ARL6: variants seen among roughly 807,000 people sequenced by gnomAD.
The protein encoded by ARL6 is ADP-ribosylation factor-like protein 6.
A neutral mutation model predicts 27.1 loss-of-function variants in ARL6; 18 were observed. That is an observed-to-expected ratio of 0.66 (90% CI 0.46 to 0.98). The LOEUF is 0.98. ARL6 is among the 50% of genes least tolerant of loss of function. The pLI is 0.00. For missense variants in ARL6, 187 were observed against 214.9 expected, an observed-to-expected ratio of 0.87 and a Z score of 0.81; for synonymous variants, 65 against 72.3, an observed-to-expected ratio of 0.90 and a Z score of 0.51.
At chr3:97,797,241 T>C (rs1164256586) in intron 7 of ARL6, among the ~76,000 whole-genome samples, 1 of 152,200 alleles carries the variant, frequency 6.6e-6, no homozygotes, top group Non-Finnish European at 1.5e-5. Flanking sequence ...CTGTGTAATG[T>C]ACTTCATAGT....
chr3:97,800,244 T>C lies in ARL6; in HGVS notation c.*2195T>C, dbSNP rs998848207. On this transcript the variant is annotated 3_prime_UTR_variant, in exon 8 of 8. Transcript: ENST00000463745. ...CATCCATCCCTACTCCACATTTTCA[T>C]GTAAAGATTATGTAGAAGTTGGGCA... The C allele has an allele frequency of 1.6e-4, 25 of 152,128 alleles. No individual in the cohort carries two copies. Among genetic ancestry groups the C allele is most frequent in the African/African-American group, 6.0e-4 (25 of 41,450 alleles). The allele number at this position is 152,128 out of a possible 1,614,324, so 9.4% of individuals were successfully genotyped here.
At chr3:97,766,951 A>T (rs1049692989) in intron 1 of ARL6, among the ~76,000 whole-genome samples, 5 of 151,140 alleles carry the variant, frequency 3.3e-5, no homozygotes, top group African/African-American at 1.2e-4. Flanking sequence ...GGAGCAATGG[A>T]CCCAAAGTGA....
At chr3:97,770,340 A>C (rs2036580938) in intron 2 of ARL6, among the ~76,000 whole-genome samples, 1 of 152,014 alleles carries the variant, frequency 6.6e-6, no homozygotes, top group Admixed American at 6.6e-5. Flanking sequence ...TCTTTTGAGA[A>C]ATGTCTATTC....
chr3:97,785,025 C>T lies in ARL6; in HGVS notation c.325C>T (p.Leu109Phe). The change falls in exon 5 of 8, where the codon CTC becomes TTC. Residue 109 changes from leucine (L) to phenylalanine (F), a missense_variant. Transcript: ENST00000463745. The stretch of plus-strand genomic sequence containing the variant: ...AAGAATGGTTGTGGCCAAAGAAGAA[C>T]TCGATACTCTTCTGAATCATCCAGG... ...RLRMVVAKEE[L>F]DTLLNHPDIK... The T allele has an allele frequency of 6.2e-7, 1 of 1,612,576 alleles. No homozygotes were observed. The highest frequency in any genetic ancestry group is 8.5e-7 in the Non-Finnish European group (1 of 1,178,890).
At chr3:97,766,859 T>C (rs1021894406) in intron 1 of ARL6, among the ~76,000 whole-genome samples, 15 of 152,116 alleles carry the variant, frequency 9.9e-5, no homozygotes, top group African/African-American at 3.4e-4. Context: ...TACATAGATA[T>C]ATTGTAGCAG....
At chr3:97,779,316 T>C (rs914225748) in intron 2 of ARL6, among the ~76,000 whole-genome samples, 25 of 152,196 alleles carry the variant, frequency 1.6e-4, no homozygotes, top group Admixed American at 3.9e-4. Context: ...TAACTTGTCA[T>C]GGTTCTTCCC....
At chr3:97,791,973 T>C in intron 7 of ARL6, 147 bp downstream of exon 7, 2 of 679,866 alleles carry the variant, frequency 2.9e-6, no homozygotes, top group Non-Finnish European at 5.0e-6. Context: ...ACAGTAAGTA[T>C]CCAATACCTT....
intron 7 of ARL6, among the ~76,000 whole-genome samples, chr3:97,796,170 CATT>C (rs1311981887): frequency 6.6e-6 from 1 of 152,014 alleles, no homozygotes; most frequent in African/African-American, 2.4e-5. Context: ...AGGATGAAAA[CATT>C]ATGAAATATG....
Position 97,799,272 on chromosome 3 carries a change from T to A in ARL6, c.*1223T>A, listed in dbSNP as rs2038145767. 6.6e-6 allele frequency: 1 copy of A among 152,110 alleles called. No individual in the cohort carries two copies. The highest frequency in any genetic ancestry group is 1.5e-5 in the Non-Finnish European group (1 of 67,952). 9.4% of individuals were successfully genotyped at this position (152,110 alleles called of 1,614,324 possible). On this transcript the variant is annotated 3_prime_UTR_variant, in exon 8 of 8. Transcript: ENST00000463745. ...TTATAGTAACTGCAGTAGTGGTACA[T>A]GTTTCACAAAGATTTTAATAAAAGC...
chr3:97,779,014 CT>C (rs1014559321), intron 2 of ARL6, among the ~76,000 whole-genome samples: 3 of 152,086 alleles, frequency 2.0e-5, no homozygotes, highest in African/African-American at 7.2e-5. Context: ...AATAGTTTTT[CT>C]GATGAAAGTG....
intron 2 of ARL6, among the ~76,000 whole-genome samples, chr3:97,771,502 C>A (rs191199455): frequency 1.3e-5 from 2 of 151,884 alleles, no homozygotes; most frequent in African/African-American, 4.8e-5. Flanking sequence ...TGATGACCTT[C>A]ATTTTTCTTG....
chr3:97,770,222 G>T (rs1238744282), intron 2 of ARL6, among the ~76,000 whole-genome samples: 2 of 151,882 alleles, frequency 1.3e-5, no homozygotes, highest in Non-Finnish European at 2.9e-5. Flanking sequence ...TTTGATAAAG[G>T]CAATTTTAAC....
chr3:97,792,164 A>G (rs2037771475), intron 7 of ARL6, among the ~76,000 whole-genome samples: 1 of 152,210 alleles, frequency 6.6e-6, no homozygotes, highest in Admixed American at 6.5e-5. Flanking sequence ...CCTAATGTCA[A>G]TAACTAAAAA....
intron 7 of ARL6, among the ~76,000 whole-genome samples, chr3:97,796,234 G>T (rs1178793301): frequency 6.6e-6 from 1 of 152,104 alleles, no homozygotes; most frequent in Non-Finnish European, 1.5e-5. Flanking sequence ...AATTTATATA[G>T]AGAGAACATT....
chr3:97,787,041 A>G (rs2037490989), intron 5 of ARL6, among the ~76,000 whole-genome samples: 2 of 152,188 alleles, frequency 1.3e-5, no homozygotes, highest in African/African-American at 4.8e-5. Flanking sequence ...TTGACCCAAC[A>G]ATTCCACATC....
chr3:97,783,856 G>A (rs980486098), intron 4 of ARL6, among the ~76,000 whole-genome samples: 2 of 151,740 alleles, frequency 1.3e-5, no homozygotes, highest in African/African-American at 4.8e-5. Context: ...AAGATAATAT[G>A]CTGTTAGAAT....
At chr3:97,776,581 T>C (rs1373352971) in intron 2 of ARL6, among the ~76,000 whole-genome samples, 49 of 152,300 alleles carry the variant, frequency 3.2e-4, no homozygotes, top group Admixed American at 3.2e-3. Flanking sequence ...TGGTTTTCTG[T>C]GGGAGATAGT....
chr3:97,788,919 G>C (rs538518965), intron 6 of ARL6, among the ~76,000 whole-genome samples: 3 of 152,206 alleles, frequency 2.0e-5, no homozygotes, highest in African/African-American at 7.2e-5. Context: ...TCTCTCTGCT[G>C]TAAGAGGTCC....
chr3:97,772,748 A>G (rs190446259), intron 2 of ARL6, among the ~76,000 whole-genome samples: 1 of 150,998 alleles, frequency 6.6e-6, no homozygotes, highest in East Asian at 2.0e-4. Flanking sequence ...CAGCCTCCCA[A>G]GTAGCTGGGA....
Sources: gnomAD v4.1 joint callset for allele counts (sites outside exome capture counted in the v4.1 genomes callset) on GRCh38, gnomAD v4.1.1 for gene constraint, MANE v1.5 for transcripts, NCBI Gene and HGNC (gene_info 2026-07-23, HGNC 2026-07-21) for gene names.